Variants in TNRC18 observed in about 807,000 individuals in gnomAD.
TNRC18 encodes trinucleotide repeat containing 18, also known as trinucleotide repeat-containing gene 18 protein.
Under a neutral mutation model 226.7 loss-of-function variants are expected in TNRC18, and 69 were observed. That is an observed-to-expected ratio of 0.30 (90% CI 0.25 to 0.37). The LOEUF is 0.37. Among genes scored for constraint, TNRC18 ranks in the 10% least tolerant of loss-of-function variants. The pLI, the probability that TNRC18 is intolerant of heterozygous loss-of-function variation, is 1.00. For missense variants in TNRC18, 4,754 were observed against 4,256.6 expected, an observed-to-expected ratio of 1.12 and a Z score of -3.25; for synonymous variants, 2,449 against 1,927.6, an observed-to-expected ratio of 1.27 and a Z score of -7.09.
intron 20 of TNRC18, 71 bp downstream of exon 20, chr7:5,325,025 G>T: frequency 1.3e-6 from 2 of 1,481,574 alleles, no homozygotes; most frequent in Non-Finnish European, 9.0e-7. Flanking sequence ...AGCAGGTGGA[G>T]CCCCCTGCCC....
At chr7:5,385,271 G>C (rs918904721) in intron 5 of TNRC18, among the ~76,000 whole-genome samples, 1 of 152,064 alleles carries the variant, frequency 6.6e-6, no homozygotes, top group Non-Finnish European at 1.5e-5. Flanking sequence ...CAGATCACTT[G>C]AGGTCAGGAG....
chr7:5,397,486 G>A (rs896277013), intron 2 of TNRC18, among the ~76,000 whole-genome samples: 4 of 152,144 alleles, frequency 2.6e-5, no homozygotes, highest in Admixed American at 6.5e-5. Context: ...CGGGGCAGCC[G>A]GGAACCCCCA....
At chr7:5,400,484 C>T (rs1038261668) in intron 2 of TNRC18, among the ~76,000 whole-genome samples, 6 of 152,006 alleles carry the variant, frequency 3.9e-5, no homozygotes, top group African/African-American at 1.4e-4. Context: ...GTGTCGTGTC[C>T]CTATAGTCCC....
intron 19 of TNRC18, among the ~76,000 whole-genome samples, chr7:5,327,274 A>G (rs1279112000): frequency 6.6e-6 from 1 of 152,260 alleles, no homozygotes; most frequent in African/African-American, 2.4e-5. Flanking sequence ...CAAAGCAGAG[A>G]GCATTAAAAG....
chr7:5,370,737 T>C lies in TNRC18; in HGVS notation c.3857A>G (p.Glu1286Gly), dbSNP rs1344553673. Reference protein sequence around the residue: ...EEGLAQVAPSESQPTLEMSDC... With the variant: ...EEGLAQVAPSGSQPTLEMSDC... ...TGACATTTCTAGGGTGGGCTGGGAC[T>C]CGCTCGGTGCCACCTGCGCCAGGCC... Residue 1286 changes from glutamate to glycine, a missense_variant, in exon 11 of 30, where the codon GAG (glutamate) becomes GGG (glycine). Coordinates refer to ENST00000430969, the MANE Select transcript of TNRC18 (RefSeq NM_001080495.3). 1.9e-6 allele frequency: 3 copies of C among 1,605,620 alleles called. No homozygotes were observed. The highest frequency in any genetic ancestry group is 2.5e-6 in the Non-Finnish European group (3 of 1,176,794).
At chr7:5,322,709 C>T (rs3892911) in intron 21 of TNRC18, among the ~76,000 whole-genome samples, 86,904 of 152,144 alleles carry the variant, frequency 0.57, 25,819 homozygotes, top group East Asian at 0.71. Context: ...CCTCTCCCTG[C>T]CCCTGCCAAG....
chr7:5,316,097 G>A, intron 24 of TNRC18, 25 bp from the exon 25 acceptor site: 2 of 1,582,158 alleles, frequency 1.3e-6, no homozygotes, highest in East Asian at 2.3e-5. Context: ...GAGGCTCAGG[G>A]GAGGCCCTCG....
rs774375337 is a variant in TNRC18, at chr7:5,390,532, C to A, written c.440G>T (p.Gly147Val). The A allele has an allele frequency of 6.2e-7, 1 of 1,613,578 alleles. No individual in the cohort carries two copies. The change falls in exon 4 of 30, where the codon GGT (glycine) becomes GTT (valine). Residue 147 changes from glycine to valine, a missense_variant. Coordinates refer to ENST00000430969, the MANE Select transcript of TNRC18 (RefSeq NM_001080495.3). ...CTGGGTATCGAAAATGCTGGGCTGA[C>A]CCAGCTGGCTGAGGAGGGGGCTCCC... ...SSGSPLLSQL[G>V]QPSIFDTQKG...
chr7:5,316,136 G>A (rs1015615924), intron 24 of TNRC18, 64 bp from the exon 25 acceptor site: 2 of 1,319,100 alleles, frequency 1.5e-6, no homozygotes, highest in African/African-American at 1.5e-5. Flanking sequence ...GACGCACAAG[G>A]GTCAGGATGG....
At chr7:5,401,901 C>T (rs567153762) in intron 2 of TNRC18, among the ~76,000 whole-genome samples, 11 of 152,196 alleles carry the variant, frequency 7.2e-5, no homozygotes, top group East Asian at 3.9e-4. Context: ...GTTGGCCGGG[C>T]GTGGTGGCTC....
In TNRC18 at chr7:5,389,247, C is replaced by T; in HGVS notation, c.577G>A (p.Gly193Ser). 4 of 1,322,650 alleles carry T rather than the reference C, an allele frequency of 3.0e-6. 1 individual carries two copies. Among genetic ancestry groups the T allele is most frequent in the Non-Finnish European group, 3.9e-6 (4 of 1,037,954 alleles). The allele number at this position is 1,322,650 out of a possible 1,614,324, so 81.9% of individuals were successfully genotyped here. ...ARTPGGGHSS[G>S]APAKGSSSRD... ...GACGACGAGCCTTTGGCCGGGGCGCCCGAGGAGTGGCCGCCGCCAGGGGTC... is the reference window on the plus strand; with the variant it reads ...GACGACGAGCCTTTGGCCGGGGCGCTCGAGGAGTGGCCGCCGCCAGGGGTC... The change falls in exon 5 of 30, where the codon GGC (glycine) becomes AGC (serine). Residue 193 changes from glycine to serine, a missense_variant. Transcript: ENST00000430969.
intron 27 of TNRC18, among the ~76,000 whole-genome samples, chr7:5,311,847 A>C (rs1179665425): frequency 6.6e-6 from 1 of 151,316 alleles, no homozygotes; most frequent in African/African-American, 2.4e-5. Flanking sequence ...GAAAGAAAAG[A>C]AAAAGCCAGG....
rs1309967306 is a variant in TNRC18 at position 5,357,158 on chromosome 7, C to G, written c.4952G>C (p.Ser1651Thr). The change falls in exon 16 of 30, where the codon AGT becomes ACT. Residue 1651 changes from serine (S) to threonine (T), a missense_variant. Transcript: ENST00000430969. Reference sequence around the variant, plus strand: ...GCTAGTTTTCGATTTCCCCCCAGCACTGTCCGAAAACTTGAAGGGCGACTT... The same window carrying G: ...GCTAGTTTTCGATTTCCCCCCAGCAGTGTCCGAAAACTTGAAGGGCGACTT... ...KLKSPFKFSD[S>T]AGGKSKTSGG... is the part of the protein sequence containing the mutation. The G allele has an allele frequency of 6.3e-7, 1 of 1,588,904 alleles. No homozygotes were observed. The highest frequency in any genetic ancestry group is 8.6e-7 in the Non-Finnish European group (1 of 1,167,082).
intron 14 of TNRC18, among the ~76,000 whole-genome samples, chr7:5,361,388 G>A (rs1793031234): frequency 6.6e-6 from 1 of 152,218 alleles, no homozygotes; most frequent in Non-Finnish European, 1.5e-5. Flanking sequence ...TCTGTCGCAG[G>A]AGCCATCCTC....
In TNRC18 at chr7:5,376,216, T is replaced by C; in HGVS notation, c.2617A>G (p.Met873Val). 4 of 1,500,196 alleles carry C rather than the reference T, an allele frequency of 2.7e-6. No individual in the cohort carries two copies. The highest frequency in any genetic ancestry group is 3.5e-6 in the Non-Finnish European group (4 of 1,128,220). 92.9% of individuals were successfully genotyped at this position (1,500,196 alleles called of 1,614,324 possible). ...AGGGGCGGTACGGTGGCCCGCTCCA[T>C]CAGCTCCGCTGCAGGGACAGAGACA... is the stretch of plus-strand genomic sequence containing the variant. ...SDHLPHFAEL[M>V]ERATVPPLWP... Residue 873 changes from methionine to valine, a missense_variant, in exon 9 of 30, where the codon ATG (methionine) becomes GTG (valine). Physicochemically the swap from Met to Val is conservative, Grantham distance 21 (BLOSUM62 1). Coordinates refer to ENST00000430969, the MANE Select transcript of TNRC18 (RefSeq NM_001080495.3).
intron 24 of TNRC18, among the ~76,000 whole-genome samples, chr7:5,317,383 A>G (rs6948272): frequency 0.72 from 109,799 of 152,004 alleles, 40,009 homozygotes; most frequent in East Asian, 0.87. Flanking sequence ...TGAGGTCACG[A>G]GTTCGAGGCC....
At position 5,357,124 on chromosome 7, in the gene TNRC18, G is replaced by C. The variant is rs758597891; in HGVS notation, c.4986C>G (p.Cys1662Trp). 6.4e-7 allele frequency: 1 copy of C among 1,555,926 alleles called. No homozygotes were observed. Among genetic ancestry groups the C allele is most frequent in the Admixed American group, 2.0e-5 (1 of 51,184 alleles). ...TGTCGTAAGGAGTCAAGTACCTGCC[G>C]CAGCCCCCGCTAGTTTTCGATTTCC... ...AGGKSKTSGG[C>W]GRYLTPYDSL... The change falls in exon 16 of 30, where the codon TGC becomes TGG. Residue 1662 changes from cysteine to tryptophan, a missense_variant. By Grantham distance (215) the Cys-to-Trp change is radical (BLOSUM62 -2). Transcript: ENST00000430969.
intron 21 of TNRC18, among the ~76,000 whole-genome samples, chr7:5,322,643 G>A (rs192685315): frequency 2.1e-4 from 32 of 152,298 alleles, no homozygotes; most frequent in Middle Eastern, 3.4e-3. Context: ...ATGAATGCCC[G>A]GGGGCAAACT....
chr7:5,391,853 AT>A (rs147029942), intron 3 of TNRC18, among the ~76,000 whole-genome samples: 5 of 130,898 alleles, frequency 3.8e-5, no homozygotes, highest in South Asian at 5.6e-4. Context: ...AAAAAAAAAA[AT>A]TTAAATAGTT....
Sources: gnomAD v4.1 joint callset for allele counts (sites outside exome capture counted in the v4.1 genomes callset) on GRCh38, gnomAD v4.1.1 for gene constraint, MANE v1.5 for transcripts, NCBI Gene and HGNC (gene_info 2026-07-23, HGNC 2026-07-21) for gene names.